MYO1D: variants seen among roughly 807,000 people sequenced by gnomAD.
MYO1D encodes the protein unconventional myosin-Id.
A neutral mutation model predicts 122.0 loss-of-function variants in MYO1D; 83 were observed. The observed-to-expected ratio is 0.68, with a 90% CI of 0.57 to 0.82. MYO1D has a LOEUF of 0.82. MYO1D is among the 40% of genes least tolerant of loss of function. The pLI is 0.00. For synonymous variants in MYO1D, 464 were observed against 446.9 expected, an observed-to-expected ratio of 1.04 and a Z score of -0.48; for missense variants, 1,157 against 1,269.5, an observed-to-expected ratio of 0.91 and a Z score of 1.35.
intron 13 of MYO1D, among the ~76,000 whole-genome samples, chr17:32,744,321 T>C (rs556687797): frequency 6.6e-6 from 1 of 152,340 alleles, no homozygotes; most frequent in South Asian, 2.1e-4. Context: ...CTTTTCTGAC[T>C]ACCCTATCTA....
chr17:32,846,190 G>C (rs1045455721), intron 1 of MYO1D, among the ~76,000 whole-genome samples: 1 of 152,190 alleles, frequency 6.6e-6, no homozygotes, highest in Admixed American at 6.5e-5. Context: ...TTTGGGCTTC[G>C]TCACACAAGA....
At chr17:32,633,171 T>TAA (rs3040385) in intron 20 of MYO1D, among the ~76,000 whole-genome samples, 53,675 of 145,800 alleles carry the variant, frequency 0.37, 10,869 homozygotes, top group African/African-American at 0.55. Flanking sequence ...AGACTAAATT[T>TAA]AAAAAAAAAA....
At chr17:32,596,475 C>T (rs547028742) in intron 21 of MYO1D, among the ~76,000 whole-genome samples, 225 of 152,284 alleles carry the variant, frequency 1.5e-3, no homozygotes, top group African/African-American at 5.3e-3. Flanking sequence ...CCTGTACTGC[C>T]GCGGCAGTGA....
intron 2 of MYO1D, among the ~76,000 whole-genome samples, chr17:32,779,009 G>T (rs563603509): frequency 1.6e-4 from 25 of 151,874 alleles, no homozygotes; most frequent in African/African-American, 6.1e-4. Flanking sequence ...AAAATAATTC[G>T]TCTAAAAAAT....
rs191942488 is a variant in MYO1D at position 32,768,930 on chromosome 17, A to G, written c.715-1178T>C. Among the ~76,000 whole-genome samples the G allele has an allele frequency of 1.5e-3, 236 of 152,280 alleles. 2 individuals carry two copies. Among genetic ancestry groups the G allele is most frequent in the Non-Finnish European group, 5.4e-4 (37 of 68,024 alleles). On this transcript the variant is annotated intron_variant, in intron 6 of 21. Coordinates refer to ENST00000318217, the MANE Select transcript of MYO1D (RefSeq NM_015194.3). ...GTGGGGAACTGTTGGCTGCTTACCTAACAGCCATCCTCTACCCTCATTTCT... is the reference window on the plus strand; with the variant it reads ...GTGGGGAACTGTTGGCTGCTTACCTGACAGCCATCCTCTACCCTCATTTCT...
chr17:32,737,483 C>T (rs1253694831), intron 14 of MYO1D, among the ~76,000 whole-genome samples: 1 of 152,038 alleles, frequency 6.6e-6, no homozygotes, highest in Non-Finnish European at 1.5e-5. Flanking sequence ...ACCTTAGCCT[C>T]CAGAGTACCT....
intron 21 of MYO1D, among the ~76,000 whole-genome samples, chr17:32,560,101 C>G (rs2087105277): frequency 6.6e-6 from 1 of 151,928 alleles, no homozygotes; most frequent in South Asian, 2.1e-4. Flanking sequence ...ACTAAAAATA[C>G]AAAATTAGCC....
rs571454178 is a variant in MYO1D at position 32,773,235 on chromosome 17, C to T, written c.565-393G>A. ...CTTACTATCCCTCAACCTCTTTCTC[C>T]TTTCAATTTCGGCGCCACCCTTCAA... On this transcript the variant is annotated intron_variant, in intron 4 of 21. Transcript: ENST00000318217. Among the ~76,000 whole-genome samples the T allele has an allele frequency of 1.6e-3, 250 of 152,330 alleles. 2 individuals carry two copies. Among genetic ancestry groups the T allele is most frequent in the Non-Finnish European group, 6.0e-4 (41 of 68,034 alleles).
intron 20 of MYO1D, among the ~76,000 whole-genome samples, chr17:32,638,439 T>C (rs1258832290): frequency 1.3e-5 from 2 of 152,164 alleles, no homozygotes; most frequent in African/African-American, 2.4e-5. Flanking sequence ...AATAAGAAAA[T>C]GCATTATACG....
intron 1 of MYO1D, among the ~76,000 whole-genome samples, chr17:32,867,925 A>C (rs1311514113): frequency 6.6e-6 from 1 of 150,886 alleles, no homozygotes; most frequent in Non-Finnish European, 1.5e-5. Flanking sequence ...AAAAAAAACA[A>C]AAAAAAAACT....
intron 20 of MYO1D, among the ~76,000 whole-genome samples, chr17:32,614,700 A>C (rs1028859877): frequency 9.9e-5 from 15 of 152,184 alleles, no homozygotes; most frequent in Non-Finnish European, 2.1e-4. Flanking sequence ...CATCATGGAA[A>C]TGGTGGAAGC....
intron 21 of MYO1D, among the ~76,000 whole-genome samples, chr17:32,581,418 C>A (rs1194715293): frequency 6.6e-6 from 1 of 151,642 alleles, no homozygotes; most frequent in Non-Finnish European, 1.5e-5. Flanking sequence ...TCATTGGTTT[C>A]TGTTCTGACC....
At chr17:32,828,855 G>A (rs2090747335) in intron 1 of MYO1D, among the ~76,000 whole-genome samples, 1 of 152,162 alleles carries the variant, frequency 6.6e-6, no homozygotes, top group Non-Finnish European at 1.5e-5. Context: ...AGTTCTGTTG[G>A]TGCCATACTA....
intron 20 of MYO1D, among the ~76,000 whole-genome samples, chr17:32,623,849 C>T (rs541925343): frequency 3.3e-5 from 5 of 152,108 alleles, no homozygotes; most frequent in African/African-American, 1.2e-4. Flanking sequence ...GGCAAAAGGG[C>T]GAGGGTCTCT....
At chr17:32,731,645 G>C (rs941578520) in intron 14 of MYO1D, among the ~76,000 whole-genome samples, 3 of 152,232 alleles carry the variant, frequency 2.0e-5, no homozygotes, top group African/African-American at 4.8e-5. Flanking sequence ...TGGCTGCAGT[G>C]GGGGAGGTGC....
intron 16 of MYO1D, among the ~76,000 whole-genome samples, chr17:32,697,083 C>A (rs556499111): frequency 2.6e-5 from 4 of 152,288 alleles, no homozygotes; most frequent in African/African-American, 7.2e-5. Context: ...CTTCTCTGAG[C>A]CCACCTTGCA....
intron 1 of MYO1D, among the ~76,000 whole-genome samples, chr17:32,822,040 T>C (rs996812250): frequency 2.0e-5 from 3 of 152,164 alleles, no homozygotes; most frequent in East Asian, 1.9e-4. Flanking sequence ...ACCAAAAGGA[T>C]TATAAATCAT....
intron 1 of MYO1D, among the ~76,000 whole-genome samples, chr17:32,786,176 G>A (rs2090291908): frequency 6.6e-6 from 1 of 152,108 alleles, no homozygotes; most frequent in Non-Finnish European, 1.5e-5. Flanking sequence ...TATGCAGGTG[G>A]CTTTGGAACA....
intron 21 of MYO1D, among the ~76,000 whole-genome samples, chr17:32,512,537 T>A (rs1028009942): frequency 2.6e-5 from 4 of 151,640 alleles, no homozygotes; most frequent in African/African-American, 9.8e-5. Context: ...GTGTGGCCTC[T>A]TAGGCTGTGT....
Sources: allele counts gnomAD v4.1 joint callset (sites outside exome capture counted in the v4.1 genomes callset), GRCh38; gene constraint gnomAD v4.1.1; transcripts MANE v1.5; gene names NCBI Gene and HGNC (gene_info 2026-07-23, HGNC 2026-07-21).